LRP6: variants seen among roughly 807,000 people sequenced by gnomAD.
The protein encoded by LRP6 is low-density lipoprotein receptor-related protein 6.
Under a neutral mutation model 184.1 loss-of-function variants are expected in LRP6, and 43 were observed. The observed-to-expected ratio is 0.23, with a 90% CI of 0.18 to 0.30. LRP6 has a LOEUF of 0.30. Among genes scored for constraint, LRP6 ranks in the 10% least tolerant of loss-of-function variants. The probability of loss-of-function intolerance (pLI) is 1.00; values close to 1 mark genes in which losing one functional copy is unlikely to be tolerated. For missense variants in LRP6, 1,571 were observed against 2,005.3 expected (o/e 0.78, Z 4.14); for synonymous variants, 719 against 684.9 (o/e 1.05, Z -0.78).
Position 12,266,721 on chromosome 12 carries a change from C to G in LRP6, c.15G>C (p.Leu5=). The G allele has an allele frequency of 1.9e-6, 3 of 1,613,722 alleles. No individual in the cohort carries two copies. The highest frequency in any genetic ancestry group is 2.5e-6 in the Non-Finnish European group (3 of 1,179,856). MGAV[L]RSLLACSFCV... ...AGAAGCTGCAGGCCAGGAGGCTCCT[C>G]AGGACGGCCCCCATCTTCCCTTCTC... Residue 5 remains leucine (L), a synonymous_variant, in exon 1 of 23, where the codon CTG becomes CTC. Coordinates refer to ENST00000261349, the MANE Select transcript of LRP6 (RefSeq NM_002336.3).
intron 9 of LRP6, among the ~76,000 whole-genome samples, chr12:12,163,727 T>TG (rs1862799419): frequency 1.3e-5 from 2 of 152,158 alleles, no homozygotes; most frequent in African/African-American, 2.4e-5. Flanking sequence ...CATTTTCAAA[T>TG]GGAAGAAAGT....
At chr12:12,125,149 G>A in intron 21 of LRP6, 147 bp downstream of exon 21, 1 of 783,902 alleles carries the variant, frequency 1.3e-6, no homozygotes, top group African/African-American at 1.7e-5. Context: ...GGATGGTGGT[G>A]TGTGGTAAGT....
rs546407614 is a variant in LRP6, at chr12:12,150,753, G to A, written c.2994+83C>T. The A allele has an allele frequency of 2.0e-4, 284 of 1,438,056 alleles. 5 individuals are homozygous for A. The South Asian group carries it at 3.1e-3, about 16-fold the overall frequency. 89.1% of individuals were successfully genotyped at this position (1,438,056 alleles called of 1,614,324 possible). On this transcript the variant is annotated intron_variant, in intron 13 of 22. Transcript: ENST00000261349. The stretch of plus-strand genomic sequence containing the variant: ...ACACATACACACACACTTAAGCAGA[G>A]TCAAGACTTAAGTGAAACAGAGTGG...
In LRP6 at chr12:12,207,402, C is replaced by T. The variant is rs139961936; in HGVS notation, c.450-4002G>A. 4.3e-3 allele frequency among the ~76,000 whole-genome samples: 658 copies of T among 152,090 alleles called. 22 individuals carry two copies. In the East Asian group the frequency reaches 0.087, roughly 20 times the overall value. On this transcript the variant is annotated intron_variant, in intron 2 of 22. Transcript: ENST00000261349. ...GGCATGATGGTGTGCACCTGTAGTC[C>T]CAGCTACTCAGGAGGCTGAGGCAGG...
chr12:12,152,697 A>C (rs1950098904), intron 12 of LRP6, among the ~76,000 whole-genome samples: 1 of 152,234 alleles, frequency 6.6e-6, no homozygotes, highest in African/African-American at 2.4e-5. Flanking sequence ...CTTAGTGCTT[A>C]GACATCACCT....
At chr12:12,133,474 A>G (rs1591869984) in intron 17 of LRP6, among the ~76,000 whole-genome samples, 1 of 151,434 alleles carries the variant, frequency 6.6e-6, no homozygotes, top group South Asian at 2.1e-4. Flanking sequence ...CTGCCTGCTC[A>G]CTCTTCACCC....
At chr12:12,187,570 T>G in intron 3 of LRP6, 1 of 198,300 alleles carries the variant, frequency 5.0e-6, no homozygotes, top group South Asian at 9.4e-5. Context: ...AGCAATAGGT[T>G]TTTTCCTTCT....
intron 3 of LRP6, among the ~76,000 whole-genome samples, chr12:12,195,957 C>T (rs1863745405): frequency 6.6e-6 from 1 of 152,106 alleles, no homozygotes; most frequent in South Asian, 2.1e-4. Flanking sequence ...ATCCTTTCCC[C>T]AATCTATGTT....
At chr12:12,254,837 A>T (rs1194028258) in intron 1 of LRP6, among the ~76,000 whole-genome samples, 1 of 152,186 alleles carries the variant, frequency 6.6e-6, no homozygotes, top group East Asian at 1.9e-4. Flanking sequence ...CAGGCTCAAA[A>T]ATCCTAGAAT....
rs759106535 is a variant in LRP6 at position 12,181,394 on chromosome 12, C to T, written c.1022G>A (p.Arg341His). 1.6e-5 allele frequency: 24 copies of T among 1,489,230 alleles called. No individual in the cohort carries two copies. The highest frequency in any genetic ancestry group is 6.8e-5 in the South Asian group (6 of 88,668). The allele number at this position is 1,489,230 out of a possible 1,614,324, so 92.3% of individuals were successfully genotyped here. A position where few individuals can be genotyped will look rare whatever the true frequency, so the allele number is the denominator to read the frequency against. ...AAAATCTGGTGTATCCAAAGAAATG[C>T]GTCTCAAGTCTGTCCTTCGAGCTAA... ...LLLARRTDLR[R>H]ISLDTPDFTD... The change falls in exon 6 of 23, where the codon CGC (arginine) becomes CAC (histidine). Residue 341 changes from arginine (R) to histidine (H), a missense_variant. Arg to His is a conservative substitution (Grantham distance 29, BLOSUM62 0). Coordinates refer to ENST00000261349, the MANE Select transcript of LRP6 (RefSeq NM_002336.3).
chr12:12,159,253 CAT>C, intron 11 of LRP6, 98 bp from the exon 12 acceptor site: 1 of 836,368 alleles, frequency 1.2e-6, no homozygotes, highest in Non-Finnish European at 2.0e-6. Flanking sequence ...AAAGCCCTAA[CAT>C]ATAAAACATT....
At chr12:12,173,691 G>A (rs1249590758) in intron 7 of LRP6, among the ~76,000 whole-genome samples, 2 of 151,750 alleles carry the variant, frequency 1.3e-5, no homozygotes, top group Non-Finnish European at 2.9e-5. Flanking sequence ...TACCCAGGCT[G>A]GTTTCAAACT....
chr12:12,168,780 C>T (rs549887696), intron 7 of LRP6, among the ~76,000 whole-genome samples: 3 of 151,932 alleles, frequency 2.0e-5, no homozygotes, highest in African/African-American at 7.2e-5. Context: ...GTCCAAAATC[C>T]CTTATCTAAA....
chr12:12,131,175 T>C (rs1399183775), intron 18 of LRP6, among the ~76,000 whole-genome samples: 3 of 149,916 alleles, frequency 2.0e-5, no homozygotes, highest in African/African-American at 2.5e-5. Context: ...TGGCGCGATA[T>C]TGGCTCACTG....
chr12:12,170,961 C>T (rs923238105), intron 7 of LRP6, among the ~76,000 whole-genome samples: 4 of 151,940 alleles, frequency 2.6e-5, no homozygotes, highest in African/African-American at 4.8e-5. Context: ...TAGGCTATGT[C>T]AAAAAGGAAG....
At chr12:12,225,796 C>G (rs1275401717) in intron 2 of LRP6, among the ~76,000 whole-genome samples, 1 of 150,200 alleles carries the variant, frequency 6.7e-6, no homozygotes, top group African/African-American at 2.5e-5. Context: ...CGCTTGAACC[C>G]GGGAGGCAGA....
intron 8 of LRP6, 58 bp downstream of exon 8, chr12:12,165,021 A>G: frequency 7.4e-7 from 1 of 1,353,566 alleles, no homozygotes; most frequent in Middle Eastern, 1.8e-4. Flanking sequence ...ACTGCTGACT[A>G]TCTCCATCTT....
intron 2 of LRP6, among the ~76,000 whole-genome samples, chr12:12,234,821 G>A (rs917610072): frequency 2.0e-5 from 3 of 149,048 alleles, no homozygotes; most frequent in Non-Finnish European, 4.4e-5. Context: ...GAGAGACTAC[G>A]TCTCAAAAAA....
intron 9 of LRP6, among the ~76,000 whole-genome samples, chr12:12,162,955 A>C (rs936445859): frequency 3.9e-5 from 6 of 152,124 alleles, no homozygotes; most frequent in Admixed American, 1.3e-4. Flanking sequence ...TTAATACAAC[A>C]GTCCTGCAAG....
Sources: gnomAD v4.1 joint callset for allele counts (sites outside exome capture counted in the v4.1 genomes callset) on GRCh38, gnomAD v4.1.1 for gene constraint, MANE v1.5 for transcripts, NCBI Gene and HGNC (gene_info 2026-07-23, HGNC 2026-07-21) for gene names.